CAPN3: variants seen among roughly 807,000 people sequenced by gnomAD.
CAPN3 encodes calpain 3, also known as calpain-3.
CAPN3 carries 88 observed loss-of-function variants against 114.0 expected under a neutral mutation model. The ratio of observed to expected loss-of-function variants is 0.77; its 90% CI spans 0.65 to 0.92. CAPN3 has a LOEUF of 0.92. CAPN3 is among the 40% of genes least tolerant of loss of function. CAPN3 has a pLI of 0.00. For synonymous variants in CAPN3, 386 were observed against 382.9 expected (o/e 1.01, Z -0.09); for missense variants, 1,028 against 1,069.0 (o/e 0.96, Z 0.53).
intron 1 of CAPN3, among the ~76,000 whole-genome samples, chr15:42,379,563 G>T (rs1324462545): frequency 6.6e-6 from 1 of 152,048 alleles, no homozygotes; most frequent in African/African-American, 2.4e-5. Context: ...TACTGGATTT[G>T]TCTATTTCTC....
chr15:42,390,924 T>G (rs2053539639), intron 6 of CAPN3, among the ~76,000 whole-genome samples: 1 of 151,576 alleles, frequency 6.6e-6, no homozygotes, highest in African/African-American at 2.4e-5. Context: ...CCGACATAGC[T>G]GGGATTACAG....
At chr15:42,362,917 A>T (rs1448319324) in intron 1 of CAPN3, among the ~76,000 whole-genome samples, 1 of 152,218 alleles carries the variant, frequency 6.6e-6, no homozygotes, top group Non-Finnish European at 1.5e-5. Context: ...ACAGGTGAGT[A>T]AAGGCCTTCC....
In CAPN3 at chr15:42,388,933, A is replaced by G. The variant is rs768447053; in HGVS notation, c.638A>G (p.His213Arg). The G allele has an allele frequency of 1.9e-6, 3 of 1,613,970 alleles. No individual in the cohort carries two copies. In the South Asian group the frequency reaches 3.3e-5, roughly 18 times the overall value. Residue 213 changes from histidine to arginine, a missense_variant, in exon 5 of 24, where the codon CAT becomes CGT. His to Arg is a conservative substitution (Grantham distance 29, BLOSUM62 0). Transcript: ENST00000397163. ...GTCTTCATCCTCTCTCTAAGGCTCC[A>G]TGGTTCCTACGAAGCTCTGAAAGGT... The part of the protein sequence containing the change: ...ALLEKAYAKL[H>R]GSYEALKGGN...
chr15:42,401,667 C>T lies in CAPN3; in HGVS notation c.1381C>T (p.Arg461Cys), dbSNP rs1274808359. 26 of 1,614,024 alleles carry T rather than the reference C, an allele frequency of 1.6e-5. No individual in the cohort carries two copies. The East Asian group carries it at 4.2e-4, about 26-fold the overall frequency. ...TACTTTCTGGACCAACCCTCAGTAC[C>T]GTCTGAAGCTCCTGGAGGAGGACGA... Reference protein sequence around the residue: ...PDTFWTNPQYRLKLLEEDDDP... With the variant: ...PDTFWTNPQYCLKLLEEDDDP... Residue 461 changes from arginine to cysteine, a missense_variant, in exon 11 of 24, where the codon CGT becomes TGT. By Grantham distance (180) the Arg-to-Cys change is radical. Transcript: ENST00000397163.
At chr15:42,385,826 G>A (rs1380738563) in intron 2 of CAPN3, 1 of 553,422 alleles carries the variant, frequency 1.8e-6, no homozygotes, top group South Asian at 1.4e-5. Context: ...TTTCCTACAG[G>A]TGTTAGGAAG....
Position 42,384,553 on chromosome 15 carries a change from G to A in CAPN3, c.379+1G>A. The A allele has an allele frequency of 1.2e-6, 2 of 1,610,954 alleles. No individual in the cohort carries two copies. The highest frequency in any genetic ancestry group is 1.7e-6 in the Non-Finnish European group (2 of 1,177,086). On this transcript the variant is annotated splice_donor_variant, in intron 2 of 23. Coordinates refer to ENST00000397163, the MANE Select transcript of CAPN3 (RefSeq NM_000070.3). LOFTEE classifies it high-confidence loss of function. Reference sequence around the variant, plus strand: ...ACTGACATCTGTCAAGGAGAGCTAGGTAGGAAAGTGCCTCAGGTCAGATCC... The same window carrying A: ...ACTGACATCTGTCAAGGAGAGCTAGATAGGAAAGTGCCTCAGGTCAGATCC...
At chr15:42,360,367 G>GAAAAAAA (rs397962506) in intron 1 of CAPN3, among the ~76,000 whole-genome samples, 1 of 136,582 alleles carries the variant, frequency 7.3e-6, no homozygotes. Flanking sequence ...CTTTCTCTCT[G>GAAAAAAA]AAAAAAAAAA....
At chr15:42,367,403 T>G (rs1197483967) in intron 1 of CAPN3, among the ~76,000 whole-genome samples, 4 of 152,210 alleles carry the variant, frequency 2.6e-5, no homozygotes, top group African/African-American at 9.6e-5. Flanking sequence ...CAGCTAACAC[T>G]GGGTGGCATT....
intron 6 of CAPN3, among the ~76,000 whole-genome samples, chr15:42,390,792 T>TTG (rs1555420857): frequency 0.014 from 2,061 of 142,746 alleles, 50 homozygotes; most frequent in African/African-American, 0.055. Flanking sequence ...GTTTTTTTGT[T>TTG]TTTTTTTTTT....
chr15:42,380,758 T>A (rs1335765357), intron 1 of CAPN3, among the ~76,000 whole-genome samples: 1,557 of 126,076 alleles, frequency 0.012, 2 homozygotes, highest in African/African-American at 0.027. Flanking sequence ...TATATTTTTT[T>A]TTTTTTTTTT....
intron 6 of CAPN3, 78 bp from the exon 7 acceptor site, chr15:42,392,561 C>T: frequency 9.2e-7 from 1 of 1,084,552 alleles, no homozygotes; most frequent in South Asian, 1.3e-5. Flanking sequence ...GGAAAATGAA[C>T]TAGTATGAAC....
Position 42,411,772 on chromosome 15 carries a change from G to T in CAPN3, c.2465G>T (p.Ter822LeuextTer62), listed in dbSNP as rs1162942997. The T allele has an allele frequency of 3.1e-6, 5 of 1,601,558 alleles. No homozygotes were observed. In the Admixed American group the frequency reaches 6.9e-5, roughly 22 times the overall value. The change falls in exon 24 of 24, where the codon TGA becomes TTA. Residue 822 changes from the stop codon to leucine, a stop_lost. Transcript: ENST00000397163. ...TGGCTGCAGCTCACCATGTATGCCT[G>T]AACCAGGCTGGCCTCATCCAAAGCC... ...LEWLQLTMYA[*>L] is the part of the protein sequence containing the mutation.
Position 42,389,966 on chromosome 15 carries a change from T to C in CAPN3, c.815T>C (p.Met272Thr). The change falls in exon 6 of 24, where the codon ATG becomes ACG. Residue 272 changes from methionine to threonine, a missense_variant. Coordinates refer to ENST00000397163, the MANE Select transcript of CAPN3 (RefSeq NM_000070.3). ...ATCGGGCCTCAGGATGGCACGAACA[T>C]GACCTATGGAACCTCTCCTTCTGGT... ...MGCSIDDGTNMTYGTSPSGLN... is the reference protein window; with the variant it reads ...MGCSIDDGTNTTYGTSPSGLN... The C allele has an allele frequency of 6.2e-7, 1 of 1,614,144 alleles. No individual in the cohort carries two copies. Among genetic ancestry groups the C allele is most frequent in the Non-Finnish European group, 8.5e-7 (1 of 1,180,024 alleles).
At chr15:42,374,356 G>A (rs1292851677) in intron 1 of CAPN3, 1 of 152,206 alleles carries the variant, frequency 6.6e-6, no homozygotes, top group Non-Finnish European at 1.5e-5. Context: ...AAATGGAGAG[G>A]GCACCATCGC....
chr15:42,373,892 A>G (rs915348193), intron 1 of CAPN3, among the ~76,000 whole-genome samples: 2 of 152,196 alleles, frequency 1.3e-5, no homozygotes, highest in Non-Finnish European at 2.9e-5. Context: ...GCCCCATGCT[A>G]TAGCCCTTTG....
At chr15:42,402,577 G>T in intron 12 of CAPN3, 1 of 1,488,496 alleles carries the variant, frequency 6.7e-7, no homozygotes, top group Non-Finnish European at 8.9e-7. Context: ...CCCTGAGTGT[G>T]GGGATGACAC....
intron 3 of CAPN3, among the ~76,000 whole-genome samples, chr15:42,387,451 G>A (rs1433766605): frequency 1.3e-5 from 2 of 152,196 alleles, no homozygotes; most frequent in Non-Finnish European, 2.9e-5. Context: ...TGCTGAGCAG[G>A]AGAATGAAAA....
chr15:42,393,367 G>C (rs1218648886), intron 7 of CAPN3, among the ~76,000 whole-genome samples: 1 of 152,082 alleles, frequency 6.6e-6, no homozygotes, highest in Non-Finnish European at 1.5e-5. Flanking sequence ...ATGGATACGA[G>C]AGGCTGACTG....
At position 42,410,491 on chromosome 15, in the gene CAPN3, T is replaced by TGGCA; in HGVS notation, c.2182_2184+1dup. 2 of 1,614,026 alleles carry TGGCA rather than the reference T, an allele frequency of 1.2e-6. No individual in the cohort carries two copies. Among genetic ancestry groups the TGGCA allele is most frequent in the Non-Finnish European group, 1.7e-6 (2 of 1,179,950 alleles). On this transcript the variant is annotated frameshift_variant, in exon 20 of 24. Transcript: ENST00000397163. LOFTEE classifies it high-confidence loss of function. ...CCACCTCTGGAACAAGATTAAGGCC[T>TGGCA]GGCAGGTGGGAAGAGAAAATGAAGC...
Sources: allele counts gnomAD v4.1 joint callset (sites outside exome capture counted in the v4.1 genomes callset), GRCh38; gene constraint gnomAD v4.1.1; transcripts MANE v1.5; gene names NCBI Gene and HGNC (gene_info 2026-07-23, HGNC 2026-07-21).